Variants in CCSER2 observed in about 807,000 individuals in gnomAD.
The protein encoded by CCSER2 is coiled-coil serine rich protein 2, also known as serine-rich coiled-coil domain-containing protein 2.
Under a neutral mutation model 92.3 loss-of-function variants are expected in CCSER2, and 46 were observed. That is an observed-to-expected ratio of 0.50 (90% CI 0.39 to 0.64). The LOEUF (loss-of-function observed/expected upper bound fraction) is 0.64. CCSER2 is among the 30% of genes least tolerant of loss of function. CCSER2 has a pLI of 0.00. For missense variants in CCSER2, 1,244 were observed against 1,238.9 expected (o/e 1.00, Z -0.06); for synonymous variants, 433 against 431.4 (o/e 1.00, Z -0.04).
At chr10:84,391,195 C>G in intron 3 of CCSER2, 1 of 944,176 alleles carries the variant, frequency 1.1e-6, no homozygotes, top group Non-Finnish European at 1.8e-6. Context: ...TGGCTTTCTT[C>G]CATACTGTGA....
intron 7 of CCSER2, among the ~76,000 whole-genome samples, chr10:84,468,109 A>C (rs942787811): frequency 6.6e-6 from 1 of 152,150 alleles, no homozygotes; most frequent in Admixed American, 6.5e-5. Flanking sequence ...AACATTAATC[A>C]GAACCTATGT....
intron 1 of CCSER2, among the ~76,000 whole-genome samples, chr10:84,342,367 A>G (rs746137524): frequency 2.6e-4 from 39 of 152,148 alleles, no homozygotes; most frequent in African/African-American, 7.0e-4. Context: ...GCTACTGCCA[A>G]TCTCTTTCGG....
Position 84,514,513 on chromosome 10 carries a change from A to G in CCSER2, c.*246A>G. 2.0e-6 allele frequency: 1 copy of G among 490,096 alleles called. No homozygotes were observed. The highest frequency in any genetic ancestry group is 3.6e-6 in the Non-Finnish European group (1 of 278,618). The allele number at this position is 490,096 out of a possible 1,614,324, so 30.4% of individuals were successfully genotyped here. ...TGCTTACCCATTTCAGAGGCCTGCC[A>G]AAGGCCCAAATCATGTTATCCATCC... On this transcript the variant is annotated 3_prime_UTR_variant, in exon 10 of 10. Transcript: ENST00000372088.
intron 9 of CCSER2, among the ~76,000 whole-genome samples, chr10:84,497,232 G>C (rs978220626): frequency 3.9e-5 from 6 of 152,302 alleles, no homozygotes; most frequent in East Asian, 1.9e-4. Flanking sequence ...TTAGGAAATG[G>C]GTTTGAAAGA....
intron 8 of CCSER2, among the ~76,000 whole-genome samples, chr10:84,470,735 G>GT (rs1286297599): frequency 2.0e-5 from 3 of 151,972 alleles, no homozygotes; most frequent in African/African-American, 7.2e-5. Flanking sequence ...TGATACAAGG[G>GT]TAAATGGCTT....
chr10:84,508,989 A>G lies in CCSER2; in HGVS notation c.2326-4460A>G, dbSNP rs146654810. The stretch of plus-strand genomic sequence containing the variant: ...CTTGTTAAGATACTTTCCCCAACCT[A>G]TTTCTAGTCTTCAGATAAAAAACAT... On this transcript the variant is annotated intron_variant, in intron 9 of 9. Transcript: ENST00000372088. Among the ~76,000 whole-genome samples the G allele has an allele frequency of 6.1e-3, 934 of 152,224 alleles. 8 individuals carry two copies. The highest frequency in any genetic ancestry group is 0.02 in the Middle Eastern group (6 of 294).
rs1240412861 is a variant in CCSER2, at chr10:84,463,978, T to A, written c.2110T>A (p.Ser704Thr). 6.2e-7 allele frequency: 1 copy of A among 1,611,632 alleles called. No individual in the cohort carries two copies. The highest frequency in any genetic ancestry group is 1.3e-5 in the African/African-American group (1 of 74,882). ...SLHDIQLSLP[S>T]SPEPEDGDKV... is the part of the protein sequence containing the mutation. ...GCATGATATTCAACTGTCATTGCCA[T>A]CCAGTCCAGAACCAGAAGATGGTGA... Residue 704 changes from serine to threonine, a missense_variant, in exon 7 of 10, where the codon TCC becomes ACC. Ser to Thr is a moderately conservative substitution (Grantham distance 58). Transcript: ENST00000372088.
At chr10:84,422,673 A>G (rs569369212) in intron 4 of CCSER2, among the ~76,000 whole-genome samples, 10 of 152,282 alleles carry the variant, frequency 6.6e-5, no homozygotes, top group Non-Finnish European at 2.9e-5. Context: ...TTAGTTTGCC[A>G]CAAGCCACCA....
chr10:84,481,435 G>A (rs115362974), intron 9 of CCSER2, among the ~76,000 whole-genome samples: 1,792 of 151,814 alleles, frequency 0.012, 35 homozygotes, highest in African/African-American at 0.041. Context: ...AATTTTAGGA[G>A]TTTTTTTCTG....
chr10:84,330,818 A>G (rs1843525936), intron 1 of CCSER2, among the ~76,000 whole-genome samples: 1 of 152,184 alleles, frequency 6.6e-6, no homozygotes, highest in South Asian at 2.1e-4. Flanking sequence ...TATGTTAAAA[A>G]AAATCCATTT....
rs1849538601 is a variant in CCSER2 at position 84,514,751 on chromosome 10, A to G, written c.*484A>G. The G allele has an allele frequency of 1.3e-5, 2 of 156,012 alleles. 1 individual carries two copies. The highest frequency in any genetic ancestry group is 1.3e-4 in the Admixed American group (2 of 15,828). The allele number at this position is 156,012 out of a possible 1,614,324, so 9.7% of individuals were successfully genotyped here. ...AGCAGAGTTCTGGCCAGTGTTTTGTATATTTAAAAGGTCTATGCAAAAGCT... is the reference window on the plus strand; with the variant it reads ...AGCAGAGTTCTGGCCAGTGTTTTGTGTATTTAAAAGGTCTATGCAAAAGCT... On this transcript the variant is annotated 3_prime_UTR_variant, in exon 10 of 10. Coordinates refer to ENST00000372088, the MANE Select transcript of CCSER2 (RefSeq NM_001284240.2).
At chr10:84,463,416 A>T (rs1846217132) in intron 6 of CCSER2, among the ~76,000 whole-genome samples, 1 of 152,052 alleles carries the variant, frequency 6.6e-6, no homozygotes, top group Non-Finnish European at 1.5e-5. Flanking sequence ...AACACCATAG[A>T]TTAGTTTTGC....
chr10:84,455,141 C>G (rs967495149), intron 6 of CCSER2: 3 of 154,122 alleles, frequency 1.9e-5, no homozygotes, highest in African/African-American at 7.2e-5. Flanking sequence ...TCCATTAAAC[C>G]TCTTTTTCTT....
At chr10:84,370,090 C>T (rs1564605022) in intron 1 of CCSER2, among the ~76,000 whole-genome samples, 2 of 151,906 alleles carry the variant, frequency 1.3e-5, no homozygotes, top group South Asian at 4.1e-4. Flanking sequence ...TGTGATGCCT[C>T]CAGATTTGGT....
chr10:84,510,671 T>A (rs1849302714), intron 9 of CCSER2, among the ~76,000 whole-genome samples: 1 of 152,224 alleles, frequency 6.6e-6, no homozygotes, highest in African/African-American at 2.4e-5. Flanking sequence ...ATCTGGCATT[T>A]ATATGAACAC....
At chr10:84,341,798 A>G (rs1474359680) in intron 1 of CCSER2, among the ~76,000 whole-genome samples, 1 of 152,186 alleles carries the variant, frequency 6.6e-6, no homozygotes, top group African/African-American at 2.4e-5. Context: ...GAACTTAGGG[A>G]AACACTTCAC....
At chr10:84,332,236 ATTC>A (rs1229011036) in intron 1 of CCSER2, among the ~76,000 whole-genome samples, 2 of 151,804 alleles carry the variant, frequency 1.3e-5, no homozygotes, top group Non-Finnish European at 1.5e-5. Flanking sequence ...CAAATGCAGT[ATTC>A]TTCTAGTTTT....
chr10:84,437,999 G>C (rs12771261), intron 5 of CCSER2, among the ~76,000 whole-genome samples: 31,864 of 151,700 alleles, frequency 0.21, 3,591 homozygotes, highest in Admixed American at 0.34. Context: ...AACCTTTATT[G>C]GAAAATATGC....
At chr10:84,459,529 G>A (rs1032272622) in intron 6 of CCSER2, among the ~76,000 whole-genome samples, 1 of 151,714 alleles carries the variant, frequency 6.6e-6, no homozygotes, top group African/African-American at 2.4e-5. Flanking sequence ...GTTTGGTTTT[G>A]GGGGGGAATC....
Sources: allele counts gnomAD v4.1 joint callset (sites outside exome capture counted in the v4.1 genomes callset), GRCh38; gene constraint gnomAD v4.1.1; transcripts MANE v1.5; gene names NCBI Gene and HGNC (gene_info 2026-07-23, HGNC 2026-07-21).